Variants in MAGI1 observed in about 807,000 individuals in gnomAD.
MAGI1 encodes membrane associated guanylate kinase, WW and PDZ domain containing 1.
A neutral mutation model predicts 139.9 loss-of-function variants in MAGI1; 58 were observed. That is an observed-to-expected ratio of 0.41 (90% CI 0.34 to 0.52). MAGI1 has a LOEUF of 0.52. Among genes scored for constraint, MAGI1 ranks in the 20% least tolerant of loss-of-function variants. The probability of loss-of-function intolerance (pLI) is 0.12; values close to 1 mark genes in which losing one functional copy is unlikely to be tolerated. For missense variants in MAGI1, 1,874 were observed against 1,901.6 expected, an observed-to-expected ratio of 0.99 and a Z score of 0.27; for synonymous variants, 812 against 737.9, an observed-to-expected ratio of 1.10 and a Z score of -1.63.
intron 1 of MAGI1, among the ~76,000 whole-genome samples, chr3:65,792,545 G>A (rs575384930): frequency 6.6e-6 from 1 of 151,934 alleles, no homozygotes; most frequent in East Asian, 1.9e-4. Context: ...ATAATATATT[G>A]TTATAGCTAG....
chr3:65,924,662 T>C (rs1279519313), intron 1 of MAGI1, among the ~76,000 whole-genome samples: 1 of 152,108 alleles, frequency 6.6e-6, no homozygotes, highest in Non-Finnish European at 1.5e-5. Flanking sequence ...TTACCGAAGG[T>C]CCACCACTAA....
chr3:65,792,504 C>A (rs1040013005), intron 1 of MAGI1, among the ~76,000 whole-genome samples: 2 of 138,052 alleles, frequency 1.4e-5, no homozygotes, highest in Non-Finnish European at 3.2e-5. Flanking sequence ...TAAACTAATA[C>A]AGTTTTTTAT....
At chr3:65,809,656 G>A (rs973185889) in intron 1 of MAGI1, among the ~76,000 whole-genome samples, 3 of 152,186 alleles carry the variant, frequency 2.0e-5, no homozygotes, top group Admixed American at 6.5e-5. Flanking sequence ...TACTGGCCTA[G>A]TGACATGGCC....
chr3:65,794,551 C>T (rs2108087437), intron 1 of MAGI1, among the ~76,000 whole-genome samples: 1 of 152,210 alleles, frequency 6.6e-6, no homozygotes, highest in South Asian at 2.1e-4. Flanking sequence ...AATCAAAACC[C>T]TCATTAAAGC....
At chr3:65,494,635 G>T (rs545468362) in intron 2 of MAGI1, among the ~76,000 whole-genome samples, 3 of 152,186 alleles carry the variant, frequency 2.0e-5, no homozygotes. Context: ...TAAGGTCAAC[G>T]TTTTCCTATA....
intron 2 of MAGI1, among the ~76,000 whole-genome samples, chr3:65,614,846 A>G (rs146661957): frequency 2.0e-5 from 3 of 152,198 alleles, no homozygotes; most frequent in African/African-American, 4.8e-5. Flanking sequence ...CTGATAAAAT[A>G]CATAAGATCA....
chr3:65,692,223 G>A (rs1051958669), intron 1 of MAGI1, among the ~76,000 whole-genome samples: 5 of 152,088 alleles, frequency 3.3e-5, no homozygotes, highest in Admixed American at 1.3e-4. Flanking sequence ...TAGAACATGC[G>A]ATACAAAATC....
intron 1 of MAGI1, among the ~76,000 whole-genome samples, chr3:65,990,441 G>C (rs1414059383): frequency 1.3e-5 from 2 of 152,198 alleles, no homozygotes; most frequent in African/African-American, 2.4e-5. Context: ...TGGTAAGGGA[G>C]ACTCTCCTTG....
intron 12 of MAGI1, among the ~76,000 whole-genome samples, chr3:65,425,201 T>C (rs1008621541): frequency 7.7e-6 from 1 of 130,526 alleles, no homozygotes; most frequent in African/African-American, 2.9e-5. Context: ...TTATAAAAAA[T>C]AAAATATTAA....
At position 65,962,829 on chromosome 3, in the gene MAGI1, GGA is replaced by G. The variant is rs535170829; in HGVS notation, c.313+75165_313+75166del. Among the ~76,000 whole-genome samples the G allele has an allele frequency of 6.8e-3, 860 of 125,970 alleles. 7 individuals carry two copies. The highest frequency in any genetic ancestry group is 0.019 in the African/African-American group (616 of 31,758). The allele number at this position is 125,970 out of a possible 152,430, so 82.6% of individuals were successfully genotyped here. On this transcript the variant is annotated intron_variant, in intron 1 of 22. Transcript: ENST00000402939. ...AACAGAGCGAGACTCTGTCTCGGGGGGAAAAAAAAAAAAAAAAAGAAGCAGAA... is the reference window on the plus strand; with the variant it reads ...AACAGAGCGAGACTCTGTCTCGGGGGAAAAAAAAAAAAAAAAGAAGCAGAA...
intron 12 of MAGI1, among the ~76,000 whole-genome samples, chr3:65,413,880 C>T (rs969059495): frequency 2.0e-5 from 3 of 152,016 alleles, no homozygotes; most frequent in African/African-American, 2.4e-5. Flanking sequence ...ACTGTGAGGC[C>T]GTTTAATGAA....
chr3:66,007,953 G>A (rs73125730), intron 1 of MAGI1, among the ~76,000 whole-genome samples: 14,269 of 143,438 alleles, frequency 0.099, 801 homozygotes, highest in Middle Eastern at 0.22. Flanking sequence ...TTGGAATACA[G>A]TGGCCTGATC....
intron 1 of MAGI1, chr3:65,717,509 T>C (rs773763575): frequency 6.6e-6 from 1 of 152,212 alleles, no homozygotes; most frequent in Admixed American, 6.5e-5. Context: ...GACTCTGGTA[T>C]AAACAGTCGA....
At chr3:65,590,085 C>T (rs1434078666) in intron 2 of MAGI1, among the ~76,000 whole-genome samples, 2 of 152,162 alleles carry the variant, frequency 1.3e-5, no homozygotes, top group Non-Finnish European at 2.9e-5. Flanking sequence ...CTCTGAAAAA[C>T]TCCCATCCAG....
At chr3:65,928,532 C>T (rs914462377) in intron 1 of MAGI1, among the ~76,000 whole-genome samples, 6 of 152,064 alleles carry the variant, frequency 3.9e-5, no homozygotes, top group Non-Finnish European at 7.4e-5. Flanking sequence ...TCTATGAGGG[C>T]AGGAATCTCA....
At chr3:65,357,890 C>A (rs1009599170) in intron 22 of MAGI1, among the ~76,000 whole-genome samples, 3 of 152,096 alleles carry the variant, frequency 2.0e-5, no homozygotes, top group Admixed American at 6.5e-5. Context: ...TATTCAACTA[C>A]GTTCTCTACT....
chr3:65,458,363 T>G (rs1008850661), intron 5 of MAGI1, among the ~76,000 whole-genome samples: 18 of 142,084 alleles, frequency 1.3e-4, no homozygotes, highest in Admixed American at 7.8e-4. Flanking sequence ...TGTTTGTTTG[T>G]TTTTTTTTTT....
chr3:65,365,022 C>T (rs543445983), intron 18 of MAGI1, 76 bp from the exon 19 acceptor site: 1 of 1,084,780 alleles, frequency 9.2e-7, no homozygotes, highest in South Asian at 1.2e-5. Flanking sequence ...GTGCAGAAGC[C>T]CTGTATCTGA....
At chr3:65,414,645 A>G (rs1348041748) in intron 12 of MAGI1, among the ~76,000 whole-genome samples, 1 of 152,188 alleles carries the variant, frequency 6.6e-6, no homozygotes, top group East Asian at 1.9e-4. Flanking sequence ...TTGAAAACAT[A>G]GAACTGAGCA....
Sources: allele counts gnomAD v4.1 joint callset (sites outside exome capture counted in the v4.1 genomes callset), GRCh38; gene constraint gnomAD v4.1.1; transcripts MANE v1.5; gene names NCBI Gene and HGNC (gene_info 2026-07-23, HGNC 2026-07-21).